MAGI1: variants seen among roughly 807,000 people sequenced by gnomAD.
The protein encoded by MAGI1 is membrane associated guanylate kinase, WW and PDZ domain containing 1.
In MAGI1, 58 loss-of-function variants were observed where a neutral mutation model predicts 139.9. The ratio of observed to expected loss-of-function variants is 0.41; its 90% confidence interval spans 0.34 to 0.52. The LOEUF (loss-of-function observed/expected upper bound fraction) is 0.52. Among genes scored for constraint, MAGI1 ranks in the 20% least tolerant of loss-of-function variants. MAGI1 has a pLI of 0.12. For missense variants in MAGI1, 1,874 were observed against 1,901.6 expected, an observed-to-expected ratio of 0.99 and a Z score of 0.27; for synonymous variants, 812 against 737.9, an observed-to-expected ratio of 1.10 and a Z score of -1.63.
chr3:65,379,128 G>A, intron 17 of MAGI1, 133 bp downstream of exon 17: 1 of 1,528,566 alleles, frequency 6.5e-7, no homozygotes, highest in Non-Finnish European at 8.8e-7. Flanking sequence ...CTCCAATTAA[G>A]TCTTTAATTA....
At chr3:65,587,828 C>A (rs1470798090) in intron 2 of MAGI1, among the ~76,000 whole-genome samples, 6 of 152,102 alleles carry the variant, frequency 3.9e-5, no homozygotes, top group African/African-American at 1.4e-4. Context: ...ACTCGACCGA[C>A]CAGCTGTATT....
chr3:65,521,086 G>A (rs7612930), intron 2 of MAGI1, among the ~76,000 whole-genome samples: 17,908 of 152,178 alleles, frequency 0.12, 1,235 homozygotes, highest in Middle Eastern at 0.15. Context: ...AAGTCTAGAT[G>A]TGAGATGTAA....
At chr3:65,920,584 A>G (rs2062128213) in intron 1 of MAGI1, among the ~76,000 whole-genome samples, 1 of 152,204 alleles carries the variant, frequency 6.6e-6, no homozygotes, top group Non-Finnish European at 1.5e-5. Flanking sequence ...AAAACAATAT[A>G]GTACAATTAA....
Position 65,379,320 on chromosome 3 carries a change from T to C in MAGI1, c.2936A>G (p.Glu979Gly). ...GGACACGATGACGAAGCCGAAGCCC[T>C]CGTTCTCCCCGCGCCGGATCTCCAC... ...YDVEIRRGEN[E>G]GFGFVIVSSV... The change falls in exon 17 of 23, where the codon GAG (glutamate) becomes GGG (glycine). Residue 979 changes from glutamate to glycine, a missense_variant. Around this residue, in one of 5 missense-constraint regions of MAGI1, gnomAD observed 5 missense variants for 19.5 expected, o/e 0.26. Coordinates refer to ENST00000402939, the MANE Select transcript of MAGI1 (RefSeq NM_001033057.2). The C allele has an allele frequency of 1.2e-5, 19 of 1,613,202 alleles. No homozygotes were observed. The highest frequency in any genetic ancestry group is 1.6e-5 in the Non-Finnish European group (19 of 1,179,642).
At chr3:65,905,252 A>T (rs1160333906) in intron 1 of MAGI1, among the ~76,000 whole-genome samples, 3 of 152,150 alleles carry the variant, frequency 2.0e-5, no homozygotes, top group Admixed American at 2.0e-4. Flanking sequence ...TTATTTCCCA[A>T]AGTATCAAAA....
intron 2 of MAGI1, among the ~76,000 whole-genome samples, chr3:65,550,103 A>G (rs368859838): frequency 3.9e-5 from 6 of 152,104 alleles, no homozygotes; most frequent in Non-Finnish European, 5.9e-5. Context: ...GCCCCATTCC[A>G]TAGAAGAAAA....
At chr3:65,619,191 T>C (rs1047358200) in intron 2 of MAGI1, among the ~76,000 whole-genome samples, 6 of 152,136 alleles carry the variant, frequency 3.9e-5, no homozygotes, top group African/African-American at 1.4e-4. Flanking sequence ...GAGGAATGAG[T>C]AATATGGCAT....
At chr3:65,871,915 G>A (rs74388467) in intron 1 of MAGI1, among the ~76,000 whole-genome samples, 2,768 of 152,192 alleles carry the variant, frequency 0.018, 79 homozygotes, top group African/African-American at 0.064. Flanking sequence ...TGCCTGGGTC[G>A]GTAACAGTTC....
chr3:65,489,719 C>T lies in MAGI1; in HGVS notation c.550+3793G>A, dbSNP rs1307797435. Among the ~76,000 whole-genome samples the T allele has an allele frequency of 3.3e-5, 5 of 152,188 alleles. No homozygotes were observed. The South Asian group carries it at 6.2e-4, about 19-fold the overall frequency. On this transcript the variant is annotated intron_variant, in intron 3 of 22. Transcript: ENST00000402939. ...TCCAGGGTATGTTAAGGGCAAACGG[C>T]AATAACAGAGTGAAGTAAACGAGAT...
At chr3:65,575,111 G>C (rs2081125018) in intron 2 of MAGI1, among the ~76,000 whole-genome samples, 1 of 151,966 alleles carries the variant, frequency 6.6e-6, no homozygotes, top group South Asian at 2.1e-4. Flanking sequence ...ACTGTTAAGA[G>C]GATGAAAACG....
intron 1 of MAGI1, among the ~76,000 whole-genome samples, chr3:65,921,492 T>C (rs2062183149): frequency 6.6e-6 from 1 of 151,908 alleles, no homozygotes; most frequent in Non-Finnish European, 1.5e-5. Context: ...TATTTTTTGG[T>C]AGAGACGGGG....
intron 2 of MAGI1, among the ~76,000 whole-genome samples, chr3:65,616,484 G>A (rs1460070347): frequency 6.6e-6 from 1 of 152,186 alleles, no homozygotes; most frequent in Non-Finnish European, 1.5e-5. Flanking sequence ...GATAGAGAAA[G>A]AGAAAGGGAT....
At chr3:65,575,161 T>C (rs1424329666) in intron 2 of MAGI1, among the ~76,000 whole-genome samples, 1 of 151,948 alleles carries the variant, frequency 6.6e-6, no homozygotes, top group African/African-American at 2.4e-5. Flanking sequence ...AAATCACATA[T>C]CTGAAAAAGG....
At chr3:65,848,196 G>A (rs1288687468) in intron 1 of MAGI1, among the ~76,000 whole-genome samples, 1 of 152,210 alleles carries the variant, frequency 6.6e-6, no homozygotes, top group African/African-American at 2.4e-5. Context: ...TTTACTGGAA[G>A]AATGGTGAAC....
intron 1 of MAGI1, among the ~76,000 whole-genome samples, chr3:65,646,322 A>G (rs1341953103): frequency 6.6e-6 from 1 of 152,170 alleles, no homozygotes; most frequent in African/African-American, 2.4e-5. Flanking sequence ...ATGTAATGAT[A>G]AAGGGGTCAA....
chr3:65,579,932 A>G, intron 2 of MAGI1, among the ~76,000 whole-genome samples: 1 of 151,684 alleles, frequency 6.6e-6, no homozygotes, highest in South Asian at 2.1e-4. Context: ...CTCTTTTTTC[A>G]TTAATTACTG....
In MAGI1 at chr3:65,936,093, A is replaced by T. The variant is rs901450080; in HGVS notation, c.313+101903T>A. Among the ~76,000 whole-genome samples, 4 of 152,212 alleles carry T rather than the reference A, an allele frequency of 2.6e-5. No individual in the cohort carries two copies. The East Asian group carries it at 5.8e-4, about 22-fold the overall frequency. On this transcript the variant is annotated intron_variant, in intron 1 of 22. Coordinates refer to ENST00000402939, the MANE Select transcript of MAGI1 (RefSeq NM_001033057.2). ...AGCAGACAGAAAAAAGCCACAACACACAGGACCAGGTTAAGGACTTCAACT... is the reference window on the plus strand; with the variant it reads ...AGCAGACAGAAAAAAGCCACAACACTCAGGACCAGGTTAAGGACTTCAACT...
intron 2 of MAGI1, among the ~76,000 whole-genome samples, chr3:65,503,352 A>G (rs764207067): frequency 6.6e-6 from 1 of 152,232 alleles, no homozygotes; most frequent in Non-Finnish European, 1.5e-5. Context: ...ATCACTTCAC[A>G]AGGAAGCAAG....
At chr3:65,724,586 C>A (rs1444973197) in intron 1 of MAGI1, among the ~76,000 whole-genome samples, 1 of 152,116 alleles carries the variant, frequency 6.6e-6, no homozygotes, top group Non-Finnish European at 1.5e-5. Context: ...ACTAGGTGCT[C>A]AACATTTGTT....
Sources: allele counts gnomAD v4.1 joint callset (sites outside exome capture counted in the v4.1 genomes callset), GRCh38; gene constraint gnomAD v4.1.1; regional missense constraint gnomAD v4.1.1; transcripts MANE v1.5; gene names NCBI Gene and HGNC (gene_info 2026-07-23, HGNC 2026-07-21).